Variants in COPS3 observed in about 807,000 individuals in gnomAD.
COPS3 encodes the protein COP9 signalosome complex subunit 3.
A neutral mutation model predicts 58.2 loss-of-function variants in COPS3; 10 were observed. The observed-to-expected ratio is 0.17, with a 90% CI of 0.11 to 0.29. COPS3 has a LOEUF of 0.29. COPS3 is among the 10% of genes least tolerant of loss of function. The pLI, the probability that COPS3 is intolerant of heterozygous loss-of-function variation, is 1.00. For synonymous variants in COPS3, 187 were observed against 181.7 expected, an observed-to-expected ratio of 1.03 and a Z score of -0.24; for missense variants, 333 against 510.1, an observed-to-expected ratio of 0.65 and a Z score of 3.34.
At chr17:17,263,505 CTTTTCTTT>C (rs1011583878) in intron 6 of COPS3, among the ~76,000 whole-genome samples, 12 of 108,460 alleles carry the variant, frequency 1.1e-4, no homozygotes, top group South Asian at 3.3e-4. Context: ...AGCCTCTTGC[CTTTTCTTT>C]TTTTTTTTTT....
At chr17:17,248,350 G>C (rs1736203) in intron 10 of COPS3, among the ~76,000 whole-genome samples, 76,865 of 152,020 alleles carry the variant, frequency 0.51, 20,624 homozygotes, top group East Asian at 0.63. Flanking sequence ...GTCTCCCTCT[G>C]TTGCCCAGGC....
intron 8 of COPS3, among the ~76,000 whole-genome samples, chr17:17,255,965 C>T (rs902019956): frequency 2.7e-5 from 4 of 150,406 alleles, no homozygotes; most frequent in South Asian, 4.2e-4. Flanking sequence ...GTCAGGACAT[C>T]GAGACCATCC....
intron 8 of COPS3, 113 bp from the exon 9 acceptor site, chr17:17,255,058 T>C: frequency 4.4e-6 from 3 of 674,880 alleles, no homozygotes; most frequent in Non-Finnish European, 5.2e-6. Context: ...TCCCAGCACT[T>C]TGGGAGGCTG....
chr17:17,253,366 ATAGG>A (rs1313098016), intron 9 of COPS3, among the ~76,000 whole-genome samples: 1 of 152,218 alleles, frequency 6.6e-6, no homozygotes, highest in Non-Finnish European at 1.5e-5. Flanking sequence ...ATGTAACTGA[ATAGG>A]TAGGTAGATT....
chr17:17,257,763 C>T (rs2048008958), intron 8 of COPS3, among the ~76,000 whole-genome samples: 1 of 148,370 alleles, frequency 6.7e-6, no homozygotes, highest in Non-Finnish European at 1.5e-5. Context: ...AGCCACTGCA[C>T]TCCAGCCTGG....
intron 4 of COPS3, among the ~76,000 whole-genome samples, chr17:17,268,845 AAC>A (rs112854557): frequency 0.032 from 4,305 of 135,766 alleles, 200 homozygotes; most frequent in African/African-American, 0.11. Context: ...CAACAACAAC[AAC>A]AAAAATATAT....
chr17:17,254,219 G>A (rs544161842), intron 9 of COPS3, among the ~76,000 whole-genome samples: 14 of 141,854 alleles, frequency 9.9e-5, no homozygotes, highest in Admixed American at 7.9e-4. Context: ...GAGGTGGGTG[G>A]ATTACTTAAA....
At chr17:17,255,048 T>C in intron 8 of COPS3, 103 bp from the exon 9 acceptor site, 1 of 726,658 alleles carries the variant, frequency 1.4e-6, no homozygotes, top group Middle Eastern at 2.5e-4. Flanking sequence ...ATGTCTGTAA[T>C]CCCAGCACTT....
intron 6 of COPS3, among the ~76,000 whole-genome samples, chr17:17,263,437 G>T (rs1210967992): frequency 6.6e-6 from 1 of 151,536 alleles, no homozygotes; most frequent in African/African-American, 2.4e-5. Context: ...GACCTCAGGC[G>T]ATTTGCCTGC....
At chr17:17,250,116 T>C (rs1250423171) in intron 9 of COPS3, among the ~76,000 whole-genome samples, 5 of 152,200 alleles carry the variant, frequency 3.3e-5, no homozygotes, top group African/African-American at 4.8e-5. Flanking sequence ...TTGTCTCGTA[T>C]GGATTTGCCT....
intron 6 of COPS3, 63 bp downstream of exon 6, chr17:17,264,739 A>G (rs551321475): frequency 2.2e-4 from 318 of 1,453,252 alleles, no homozygotes; most frequent in Non-Finnish European, 2.8e-4. Context: ...CCACAAACCT[A>G]TGGGAGCACT....
chr17:17,249,877 C>T (rs1193419328), intron 9 of COPS3, among the ~76,000 whole-genome samples: 1 of 152,186 alleles, frequency 6.6e-6, no homozygotes, highest in Admixed American at 6.5e-5. Flanking sequence ...ATCTACCTGC[C>T]TCGGCCTCCC....
rs574167273 is a variant in COPS3 at position 17,246,897 on chromosome 17, GACTTTA to G, written c.*195_*200del. On this transcript the variant is annotated 3_prime_UTR_variant, in exon 12 of 12. Coordinates refer to ENST00000268717, the MANE Select transcript of COPS3 (RefSeq NM_003653.4). ...TCTGAGGATAAATAAATCCACGACA[GACTTTA>G]AAGTTTGCAAATCTGTTTCCTTTCT... 7.1e-4 allele frequency: 415 copies of G among 587,440 alleles called. No individual in the cohort carries two copies. Among genetic ancestry groups the G allele is most frequent in the African/African-American group, 6.7e-3 (359 of 53,854 alleles). The allele number at this position is 587,440 out of a possible 1,614,324, so 36.4% of individuals were successfully genotyped here. A position where few individuals can be genotyped will look rare whatever the true frequency, so the allele number is the denominator to read the frequency against.
intron 7 of COPS3, among the ~76,000 whole-genome samples, chr17:17,261,395 A>G (rs1375314343): frequency 1.3e-5 from 2 of 152,076 alleles, no homozygotes; most frequent in East Asian, 1.9e-4. Flanking sequence ...GCATGGTGGC[A>G]CACACCTGTA....
intron 2 of COPS3, among the ~76,000 whole-genome samples, chr17:17,273,712 C>T (rs775431172): frequency 5.3e-5 from 8 of 152,094 alleles, no homozygotes; most frequent in African/African-American, 9.7e-5. Flanking sequence ...ATTAGGCGGG[C>T]GTGGTGGTGT....
intron 1 of COPS3, among the ~76,000 whole-genome samples, chr17:17,276,939 A>G (rs2048472913): frequency 6.6e-6 from 1 of 152,074 alleles, no homozygotes; most frequent in African/African-American, 2.4e-5. Flanking sequence ...AGTTATTCCA[A>G]TGACTTTAAG....
chr17:17,257,422 C>T (rs1167023464), intron 8 of COPS3, among the ~76,000 whole-genome samples: 1 of 150,932 alleles, frequency 6.6e-6, no homozygotes, highest in African/African-American at 2.4e-5. Context: ...AAGAATAGCA[C>T]GTAGAGTATG....
chr17:17,265,079 G>T, intron 5 of COPS3, 98 bp from the exon 6 acceptor site: 1 of 1,074,356 alleles, frequency 9.3e-7, no homozygotes. Context: ...TCCAAATAAT[G>T]TAATTGTGTT....
At chr17:17,271,096 C>T in intron 2 of COPS3, 88 bp from the exon 3 acceptor site, 1 of 886,416 alleles carries the variant, frequency 1.1e-6, no homozygotes, top group Admixed American at 2.1e-5. Flanking sequence ...CATCCTGCCT[C>T]CAATACTCTG....
Sources: allele counts gnomAD v4.1 joint callset (sites outside exome capture counted in the v4.1 genomes callset), GRCh38; gene constraint gnomAD v4.1.1; transcripts MANE v1.5; gene names NCBI Gene and HGNC (gene_info 2026-07-23, HGNC 2026-07-21).